Variants in KLRD1 observed in about 807,000 individuals in gnomAD.
KLRD1 encodes natural killer cells antigen CD94.
In KLRD1, 21 loss-of-function variants were observed where a neutral mutation model predicts 22.6. That is an observed-to-expected ratio of 0.93 (90% confidence interval 0.66 to 1.34). The LOEUF (loss-of-function observed/expected upper bound fraction) is 1.34, where lower values mean the gene tolerates loss of function less well. Ranked by LOEUF, KLRD1 falls within the 40% of genes most tolerant of loss-of-function variation. KLRD1 has a pLI of 0.00. For synonymous variants in KLRD1, 59 were observed against 71.1 expected (o/e 0.83, Z 0.85); for missense variants, 183 against 208.6 (o/e 0.88, Z 0.76).
intron 5 of KLRD1, among the ~76,000 whole-genome samples, 179 bp from the exon 6 acceptor site, chr12:10,314,494 T>G (rs1950176522): frequency 6.6e-6 from 1 of 152,120 alleles, no homozygotes; most frequent in African/African-American, 2.4e-5. Context: ...AGAAAATAAC[T>G]GGGTATTTTG....
At chr12:10,258,809 A>G (rs907350746) in intron 1 of KLRD1, among the ~76,000 whole-genome samples, 2 of 152,218 alleles carry the variant, frequency 1.3e-5, no homozygotes, top group Non-Finnish European at 2.9e-5. Context: ...ACTTCTTCAC[A>G]CAAATGCATA....
intron 3 of KLRD1, among the ~76,000 whole-genome samples, chr12:10,310,339 C>T (rs544296428): frequency 6.6e-6 from 1 of 152,140 alleles, no homozygotes; most frequent in South Asian, 2.1e-4. Context: ...AGGCTGGTCT[C>T]GAACTCCTGA....
chr12:10,303,300 C>G (rs1207279377), upstream of KLRD1, among the ~76,000 whole-genome samples: 1 of 152,002 alleles, frequency 6.6e-6, no homozygotes, highest in African/African-American at 2.4e-5. Flanking sequence ...TTGGGTTCCA[C>G]AAAAATATGA....
At chr12:10,277,446 G>A (rs886300835) in intron 1 of KLRD1, among the ~76,000 whole-genome samples, 1 of 152,012 alleles carries the variant, frequency 6.6e-6, no homozygotes, top group African/African-American at 2.4e-5. Context: ...AGGTGGTGGT[G>A]TTTTTTTACT....
chr12:10,275,801 T>C (rs549012946), intron 1 of KLRD1, among the ~76,000 whole-genome samples: 125 of 152,318 alleles, frequency 8.2e-4, no homozygotes, highest in Non-Finnish European at 1.3e-3. Context: ...TTTTTCCCTC[T>C]GAAATATGAC....
intron 3 of KLRD1, among the ~76,000 whole-genome samples, chr12:10,309,906 G>A (rs1332509915): frequency 6.6e-6 from 1 of 152,138 alleles, no homozygotes; most frequent in Non-Finnish European, 1.5e-5. Context: ...CAGGAAAATA[G>A]TAGCCTGAAA....
rs1434382701 is a variant in KLRD1 at position 10,328,663 on chromosome 12, T to G, written c.*13870T>G. 6.6e-6 allele frequency: 1 copy of G among 152,214 alleles called. No individual in the cohort carries two copies. The highest frequency in any genetic ancestry group is 1.9e-4 in the East Asian group (1 of 5,208). The allele number at this position is 152,214 out of a possible 1,614,324, so 9.4% of individuals were successfully genotyped here. A position where few individuals can be genotyped will look rare whatever the true frequency, so the allele number is the denominator to read the frequency against. On this transcript the variant is annotated 3_prime_UTR_variant, in exon 6 of 6. Coordinates refer to ENST00000336164, the MANE Select transcript of KLRD1 (RefSeq NM_002262.5). ...TTTATTTCTGAACTAATCTTTATTA[T>G]TTTCTTTATTCTTCTAAATTTGAAC...
chr12:10,312,861 C>CCT (rs1950123712), intron 4 of KLRD1, among the ~76,000 whole-genome samples: 1 of 151,596 alleles, frequency 6.6e-6, no homozygotes, highest in African/African-American at 2.4e-5. Context: ...GTGGCGGGCG[C>CCT]CTGTAGTCCC....
rs181806084 is a variant in KLRD1 at position 10,311,607 on chromosome 12, G to C, written c.307G>C (p.Asp103His). ...KSSLLQLQNT[D>H]ELDFMSSSQQ... ...CAGCCTGCTTCAGCTTCAAAACACA[G>C]ATGAACTGGCATGTGCTGAGTCTGA... Residue 103 changes from aspartate (D) to histidine (H), a missense_variant, in exon 4 of 6, where the codon GAT becomes CAT. By Grantham distance (81) the Asp-to-His change is moderately conservative (BLOSUM62 -1). Transcript: ENST00000336164. 10 of 1,614,058 alleles carry C rather than the reference G, an allele frequency of 6.2e-6. No homozygotes were observed. In the East Asian group the frequency reaches 2.2e-4, roughly 36 times the overall value.
In KLRD1 at chr12:10,239,477, C is replaced by T. The variant is rs1949217069; in HGVS notation, c.-101+13244C>T. 1.4e-4 allele frequency among the ~76,000 whole-genome samples: 14 copies of T among 102,482 alleles called. 1 individual carries two copies. Among genetic ancestry groups the T allele is most frequent in the South Asian group, 3.3e-4 (1 of 3,000 alleles). 67.2% of individuals were successfully genotyped at this position (102,482 alleles called of 152,430 possible). A position where few individuals can be genotyped will look rare whatever the true frequency, so the allele number is the denominator to read the frequency against. On this transcript the variant is annotated intron_variant, in intron 1 of 5. Transcript: ENST00000544747. ...TCCTTCCTTCCTTCCTTCCTTCCTT[C>T]CTTCCTTCTTCCTTCCTTCCTTCCT...
intron 1 of KLRD1, among the ~76,000 whole-genome samples, chr12:10,243,744 T>C (rs1430739976): frequency 1.3e-5 from 2 of 151,018 alleles, no homozygotes; most frequent in Non-Finnish European, 2.9e-5. Context: ...CGAACTAGGA[T>C]AAGAAGTGTG....
intron 1 of KLRD1, among the ~76,000 whole-genome samples, chr12:10,287,579 G>C (rs1449844384): frequency 6.6e-6 from 1 of 152,044 alleles, no homozygotes. Flanking sequence ...CCTATAAATA[G>C]ATATTGTTAT....
At chr12:10,243,455 A>T (rs1949259320) in intron 1 of KLRD1, among the ~76,000 whole-genome samples, 1 of 151,764 alleles carries the variant, frequency 6.6e-6, no homozygotes, top group Non-Finnish European at 1.5e-5. Flanking sequence ...CTCTACTGAA[A>T]ATACAAAAAT....
At position 10,328,562 on chromosome 12, in the gene KLRD1, T is replaced by C. The variant is rs1361131903; in HGVS notation, c.*13769T>C. On this transcript the variant is annotated 3_prime_UTR_variant, in exon 6 of 6. Transcript: ENST00000336164. ...TCTTTTTCTTAGTCTAGCTAAAGGT[T>C]TGTCAAGTTATTTATATTTTCCAAA... 1.3e-5 allele frequency: 2 copies of C among 152,202 alleles called. No homozygotes were observed. Among genetic ancestry groups the C allele is most frequent in the Non-Finnish European group, 2.9e-5 (2 of 68,024 alleles). 9.4% of individuals were successfully genotyped at this position (152,202 alleles called of 1,614,324 possible). A position where few individuals can be genotyped will look rare whatever the true frequency, so the allele number is the denominator to read the frequency against.
chr12:10,250,655 G>A (rs1949338425), intron 1 of KLRD1, among the ~76,000 whole-genome samples: 1 of 151,672 alleles, frequency 6.6e-6, no homozygotes, highest in African/African-American at 2.4e-5. Context: ...TTTTCTGCTT[G>A]ACCTAGATAA....
intron 1 of KLRD1, among the ~76,000 whole-genome samples, chr12:10,296,196 A>T (rs1949819526): frequency 6.6e-6 from 1 of 152,170 alleles, no homozygotes; most frequent in South Asian, 2.1e-4. Context: ...CCATGAAATG[A>T]GATATCATGA....
intron 3 of KLRD1, among the ~76,000 whole-genome samples, chr12:10,310,977 G>A (rs532716544): frequency 6.6e-6 from 1 of 152,032 alleles, no homozygotes; most frequent in Non-Finnish European, 1.5e-5. Flanking sequence ...TCAAAAATAA[G>A]ATATCCAAAC....
chr12:10,252,507 AAAAC>A (rs974843312), intron 1 of KLRD1, among the ~76,000 whole-genome samples: 4 of 152,056 alleles, frequency 2.6e-5, no homozygotes, highest in East Asian at 1.9e-4. Context: ...TTGTCTCCAA[AAAAC>A]AAACAAACAA....
chr12:10,260,189 C>G (rs571234928), intron 1 of KLRD1, among the ~76,000 whole-genome samples: 1 of 151,736 alleles, frequency 6.6e-6, no homozygotes, highest in African/African-American at 2.4e-5. Context: ...AGATGATTGC[C>G]TCTGAGGATA....
Sources: allele counts gnomAD v4.1 joint callset (sites outside exome capture counted in the v4.1 genomes callset), GRCh38; gene constraint gnomAD v4.1.1; transcripts MANE v1.5; gene names NCBI Gene and HGNC (gene_info 2026-07-23, HGNC 2026-07-21).